The following KCNN2 variants were observed in gnomAD, a reference collection of about 807,000 sequenced individuals.
The protein encoded by KCNN2 is small conductance calcium-activated potassium channel protein 2.
A neutral mutation model predicts 55.5 loss-of-function variants in KCNN2; 24 were observed. The observed-to-expected ratio is 0.43, with a 90% CI of 0.31 to 0.61. The LOEUF (loss-of-function observed/expected upper bound fraction) is 0.61, where lower values mean the gene tolerates loss of function less well. Among genes scored for constraint, KCNN2 ranks in the 20% least tolerant of loss-of-function variants. KCNN2 has a pLI of 0.08. For synonymous variants in KCNN2, 431 were observed against 336.1 expected, an observed-to-expected ratio of 1.28 and a Z score of -3.09; for missense variants, 754 against 853.6, an observed-to-expected ratio of 0.88 and a Z score of 1.45.
chr5:114,276,125 G>A (rs949856470), intron 2 of KCNN2, among the ~76,000 whole-genome samples: 21 of 152,316 alleles, frequency 1.4e-4, no homozygotes, highest in African/African-American at 5.1e-4. Context: ...CAGTTTCCAT[G>A]TAGTTGTGCA....
chr5:114,409,650 G>C (rs905445790), intron 3 of KCNN2, among the ~76,000 whole-genome samples: 2 of 152,098 alleles, frequency 1.3e-5, no homozygotes, highest in African/African-American at 4.8e-5. Context: ...TAAAAGGAAA[G>C]AGCTAGAGAA....
intron 1 of KCNN2, among the ~76,000 whole-genome samples, chr5:114,092,861 C>A (rs560854927): frequency 1.3e-5 from 2 of 152,192 alleles, no homozygotes; most frequent in African/African-American, 4.8e-5. Flanking sequence ...AGGCCTTGGG[C>A]CTGGCCCATG....
chr5:114,202,586 T>TTA (rs1753695842), intron 1 of KCNN2, among the ~76,000 whole-genome samples: 1 of 67,020 alleles, frequency 1.5e-5, no homozygotes. Flanking sequence ...TATATATATA[T>TTA]TTTTTTTTTT....
intron 3 of KCNN2, among the ~76,000 whole-genome samples, chr5:114,452,232 G>A (rs1760725604): frequency 6.6e-6 from 1 of 152,070 alleles, no homozygotes. Context: ...CCTCACTTAG[G>A]GAGGTTTTTA....
chr5:114,297,636 G>C lies in KCNN2; in HGVS notation c.-184-63309G>C, dbSNP rs183556274. Reference sequence around the variant, plus strand: ...TATCCCTCCAAAAACTCTAAATACAGAAAAATCCTTCTTTGCAAATATATT... The same window carrying C: ...TATCCCTCCAAAAACTCTAAATACACAAAAATCCTTCTTTGCAAATATATT... On this transcript the variant is annotated intron_variant, in intron 2 of 10. Transcript: ENST00000512097. 1.1e-3 allele frequency among the ~76,000 whole-genome samples: 172 copies of C among 152,010 alleles called. 1 individual carries two copies. Among genetic ancestry groups the C allele is most frequent in the African/African-American group, 2.7e-3 (114 of 41,488 alleles).
chr5:114,245,142 G>T (rs1754725941), intron 2 of KCNN2, among the ~76,000 whole-genome samples: 2 of 152,166 alleles, frequency 1.3e-5, no homozygotes, highest in Non-Finnish European at 2.9e-5. Context: ...AATAATAAAA[G>T]AAGATTAAGG....
intron 2 of KCNN2, among the ~76,000 whole-genome samples, chr5:114,377,193 G>T (rs1396982109): frequency 6.6e-6 from 1 of 152,188 alleles, no homozygotes; most frequent in African/African-American, 2.4e-5. Context: ...ACCACTGGCT[G>T]TGTGTACATA....
At chr5:114,173,507 G>A (rs565380677) in intron 1 of KCNN2, among the ~76,000 whole-genome samples, 165 of 142,056 alleles carry the variant, frequency 1.2e-3, no homozygotes, top group Middle Eastern at 3.6e-3. Flanking sequence ...TTGTAGAATT[G>A]TTTTTTCTAT....
chr5:114,247,996 G>A (rs920466709), intron 2 of KCNN2, among the ~76,000 whole-genome samples: 6 of 152,002 alleles, frequency 3.9e-5, no homozygotes, highest in East Asian at 3.9e-4. Context: ...TTTGCTTTCC[G>A]TCCTGACTTA....
intron 1 of KCNN2, among the ~76,000 whole-genome samples, chr5:114,135,128 CT>C (rs1752149455): frequency 1.2e-5 from 1 of 85,022 alleles, no homozygotes; most frequent in Admixed American, 1.2e-4. Flanking sequence ...AGAGCTGAAG[CT>C]TAAGCCAATA....
intron 2 of KCNN2, among the ~76,000 whole-genome samples, chr5:114,351,196 CT>C (rs1156951829): frequency 6.6e-6 from 1 of 151,534 alleles, no homozygotes; most frequent in Non-Finnish European, 1.5e-5. Flanking sequence ...TTATTGTATT[CT>C]TTTTGATGAC....
intron 2 of KCNN2, among the ~76,000 whole-genome samples, chr5:114,312,440 T>C (rs1474252126): frequency 0.016 from 415 of 25,672 alleles, no homozygotes; most frequent in Non-Finnish European, 0.026. Flanking sequence ...CACACATATA[T>C]ATATATATAT....
At chr5:114,297,827 G>C (rs187835903) in intron 2 of KCNN2, among the ~76,000 whole-genome samples, 15 of 152,180 alleles carry the variant, frequency 9.9e-5, no homozygotes, top group African/African-American at 3.6e-4. Context: ...TACATAACAA[G>C]TTTACAGTAT....
intron 5 of KCNN2, among the ~76,000 whole-genome samples, chr5:114,481,526 G>T (rs956677508): frequency 5.9e-5 from 9 of 151,958 alleles, no homozygotes; most frequent in African/African-American, 1.9e-4. Context: ...ATTCTTCACA[G>T]AATTAGAAAA....
At chr5:114,495,860 G>A (rs761591876) in intron 7 of KCNN2, 35 bp from the exon 8 acceptor site, 2 of 1,592,152 alleles carry the variant, frequency 1.3e-6, no homozygotes, top group Admixed American at 1.7e-5. Context: ...TTCAGGGCAA[G>A]TATAATTAAC....
chr5:114,421,146 CTTTTT>C (rs1237017383), intron 3 of KCNN2, among the ~76,000 whole-genome samples: 1 of 151,174 alleles, frequency 6.6e-6, no homozygotes, highest in African/African-American at 2.4e-5. Context: ...TATATGTTTC[CTTTTT>C]ATAGAATGGT....
intron 5 of KCNN2, among the ~76,000 whole-genome samples, chr5:114,484,873 G>A (rs1284828317): frequency 6.6e-6 from 1 of 152,122 alleles, no homozygotes; most frequent in East Asian, 1.9e-4. Context: ...TTTCAGATGA[G>A]GAATCATTTT....
At chr5:114,256,305 A>C (rs1754982171) in intron 2 of KCNN2, among the ~76,000 whole-genome samples, 1 of 152,162 alleles carries the variant, frequency 6.6e-6, no homozygotes, top group African/African-American at 2.4e-5. Context: ...TTGATCCCAT[A>C]GCTTGGCTAT....
At chr5:114,303,873 A>G (rs533099513) in intron 2 of KCNN2, among the ~76,000 whole-genome samples, 4 of 152,204 alleles carry the variant, frequency 2.6e-5, no homozygotes, top group African/African-American at 9.6e-5. Context: ...AGAAGGAAGG[A>G]TGATATATTT....
Sources: allele counts gnomAD v4.1 joint callset (sites outside exome capture counted in the v4.1 genomes callset), GRCh38; gene constraint gnomAD v4.1.1; transcripts MANE v1.5; gene names NCBI Gene and HGNC (gene_info 2026-07-23, HGNC 2026-07-21).